ST6GALNAC5: variants seen among roughly 807,000 people sequenced by gnomAD.
The protein encoded by ST6GALNAC5 is ST6 N-acetylgalactosaminide alpha-2,6-sialyltransferase 5.
In ST6GALNAC5, 27 loss-of-function variants were observed where a neutral mutation model predicts 33.6. The observed-to-expected ratio is 0.80, with a 90% confidence interval of 0.59 to 1.11. The LOEUF (loss-of-function observed/expected upper bound fraction) is 1.11. Among genes scored for constraint, ST6GALNAC5 ranks in the 50% least tolerant of loss-of-function variants. ST6GALNAC5 has a pLI of 0.00. For synonymous variants in ST6GALNAC5, 194 were observed against 171.2 expected (o/e 1.13, Z -1.04); for missense variants, 428 against 454.0 (o/e 0.94, Z 0.52).
At position 77,066,089 on chromosome 1, in the gene ST6GALNAC5, T is replaced by C. The variant is rs774933655; in HGVS notation, c.*2883T>C. Among the ~76,000 whole-genome samples, 20 of 152,212 alleles carry C rather than the reference T, an allele frequency of 1.3e-4. No individual in the cohort carries two copies. The highest frequency in any genetic ancestry group is 2.6e-4 in the Non-Finnish European group (18 of 68,034). On this transcript the variant is annotated 3_prime_UTR_variant, in exon 5 of 5. Transcript: ENST00000477717. ...AACATTAGGAGGTAAATATTCAGCA[T>C]GCTGCATGGAGACTTAGCTGTGTGA...
chr1:76,968,873 A>C (rs971971757), intron 2 of ST6GALNAC5, among the ~76,000 whole-genome samples: 6 of 152,200 alleles, frequency 3.9e-5, no homozygotes, highest in Non-Finnish European at 1.5e-5. Flanking sequence ...TTCTGGGTTG[A>C]AAATTCTTTT....
At chr1:76,971,108 C>G (rs1648738967) in intron 2 of ST6GALNAC5, among the ~76,000 whole-genome samples, 1 of 152,080 alleles carries the variant, frequency 6.6e-6, no homozygotes, top group Non-Finnish European at 1.5e-5. Flanking sequence ...TAGGGATGAG[C>G]TTTATTGAAA....
At chr1:77,017,149 G>C (rs116097358) in intron 2 of ST6GALNAC5, among the ~76,000 whole-genome samples, 74 of 93,954 alleles carry the variant, frequency 7.9e-4, no homozygotes, top group African/African-American at 3.3e-3. Flanking sequence ...TCAGGAAAAG[G>C]CAAAAAAAAA....
rs1275092816 is a variant in ST6GALNAC5 at position 76,900,188 on chromosome 1, C to T, written c.261+31446C>T. 2.0e-5 allele frequency among the ~76,000 whole-genome samples: 3 copies of T among 151,990 alleles called. No individual in the cohort carries two copies. The East Asian group carries it at 5.8e-4, about 29-fold the overall frequency. On this transcript the variant is annotated intron_variant, in intron 2 of 4. Transcript: ENST00000477717. ...TGGGCAGAGTGGAGGTCACAAGGTGCTCAGTAGGGGAGATTTTGAGCCAGG... is the reference window on the plus strand; with the variant it reads ...TGGGCAGAGTGGAGGTCACAAGGTGTTCAGTAGGGGAGATTTTGAGCCAGG...
chr1:76,916,558 G>C (rs1646977109), intron 2 of ST6GALNAC5, among the ~76,000 whole-genome samples: 1 of 152,028 alleles, frequency 6.6e-6, no homozygotes, highest in Non-Finnish European at 1.5e-5. Context: ...GTTTCCAGTA[G>C]AAAACTAATG....
chr1:76,918,094 T>G (rs887561933), intron 2 of ST6GALNAC5, among the ~76,000 whole-genome samples: 4 of 152,130 alleles, frequency 2.6e-5, no homozygotes, highest in African/African-American at 9.7e-5. Context: ...ACTGTCCCAC[T>G]AGGTAACATA....
chr1:77,006,072 G>A (rs1033183978), intron 2 of ST6GALNAC5, among the ~76,000 whole-genome samples: 4 of 152,134 alleles, frequency 2.6e-5, no homozygotes, highest in Non-Finnish European at 5.9e-5. Flanking sequence ...GAAGTGAATT[G>A]CTGGATGATA....
intron 2 of ST6GALNAC5, among the ~76,000 whole-genome samples, chr1:76,901,804 T>C (rs1646819728): frequency 1.3e-5 from 2 of 152,222 alleles, no homozygotes; most frequent in Admixed American, 1.3e-4. Context: ...TTTCACTTTA[T>C]TTTATAGTTG....
At chr1:76,897,721 AT>A (rs1268832244) in intron 2 of ST6GALNAC5, among the ~76,000 whole-genome samples, 1 of 152,194 alleles carries the variant, frequency 6.6e-6, no homozygotes, top group Non-Finnish European at 1.5e-5. Context: ...GAAGCAGATA[AT>A]TTAGTTAAAG....
chr1:76,941,301 A>C (rs1366122511), intron 2 of ST6GALNAC5, among the ~76,000 whole-genome samples: 1 of 152,084 alleles, frequency 6.6e-6, no homozygotes, highest in Non-Finnish European at 1.5e-5. Flanking sequence ...TCCAAAATGG[A>C]CCTGGATTTA....
chr1:76,947,967 G>A (rs1647589475), intron 2 of ST6GALNAC5, among the ~76,000 whole-genome samples: 1 of 152,064 alleles, frequency 6.6e-6, no homozygotes, highest in South Asian at 2.1e-4. Context: ...TCAGATGAGA[G>A]GAGCTTAATA....
chr1:76,889,858 A>C (rs1462195713), intron 2 of ST6GALNAC5, among the ~76,000 whole-genome samples: 1 of 152,024 alleles, frequency 6.6e-6, no homozygotes, highest in Admixed American at 6.6e-5. Flanking sequence ...TTTTCTAATC[A>C]TCCTGGTCTT....
chr1:76,889,614 A>G lies in ST6GALNAC5; in HGVS notation c.261+20872A>G, dbSNP rs182665248. Among the ~76,000 whole-genome samples the G allele has an allele frequency of 3.4e-4, 52 of 152,120 alleles. 1 individual carries two copies. The East Asian group carries it at 7.9e-3, about 23-fold the overall frequency. ...TCAGGCAAATGTCATTACTTTTTAGATATTCTAAACTGTTGTTTCTTTAAG... is the reference window on the plus strand; with the variant it reads ...TCAGGCAAATGTCATTACTTTTTAGGTATTCTAAACTGTTGTTTCTTTAAG... On this transcript the variant is annotated intron_variant, in intron 2 of 4. Transcript: ENST00000477717.
chr1:77,056,746 C>T (rs1652413110), intron 4 of ST6GALNAC5, among the ~76,000 whole-genome samples: 4 of 152,074 alleles, frequency 2.6e-5, no homozygotes, highest in Admixed American at 2.6e-4. Context: ...TGTGTTTCTC[C>T]CAGGGTGAGG....
intron 2 of ST6GALNAC5, among the ~76,000 whole-genome samples, chr1:76,910,105 A>G (rs1055337878): frequency 2.0e-5 from 3 of 151,984 alleles, no homozygotes; most frequent in African/African-American, 7.2e-5. Context: ...ACATGTTTCA[A>G]TTTGCTGAGA....
At chr1:76,986,833 TA>T (rs202019837) in intron 2 of ST6GALNAC5, among the ~76,000 whole-genome samples, 3,880 of 152,086 alleles carry the variant, frequency 0.026, 171 homozygotes, top group African/African-American at 0.089. Flanking sequence ...TCTGCAGCCA[TA>T]AAAAAATAAA....
chr1:76,973,097 G>C lies in ST6GALNAC5; in HGVS notation c.262-71107G>C, dbSNP rs577745954. ...TGTATTTGAATTTTTTGATGGGTAG[G>C]GTTTTTCTGCTTTGTGTTATTTGCT... On this transcript the variant is annotated intron_variant, in intron 2 of 4. Coordinates refer to ENST00000477717, the MANE Select transcript of ST6GALNAC5 (RefSeq NM_030965.3). Among the ~76,000 whole-genome samples the C allele has an allele frequency of 3.3e-5, 5 of 151,848 alleles. No homozygotes were observed. The East Asian group carries it at 9.7e-4, about 29-fold the overall frequency.
chr1:76,978,576 TC>T (rs1292392402), intron 2 of ST6GALNAC5, among the ~76,000 whole-genome samples: 1 of 152,174 alleles, frequency 6.6e-6, no homozygotes, highest in Non-Finnish European at 1.5e-5. Context: ...AAATTCAACG[TC>T]CTTTAACGAC....
At chr1:76,974,170 T>C (rs1419031071) in intron 2 of ST6GALNAC5, among the ~76,000 whole-genome samples, 4 of 151,816 alleles carry the variant, frequency 2.6e-5, no homozygotes, top group Non-Finnish European at 5.9e-5. Context: ...AAATGTAGTA[T>C]GTCTTTTCAT....
Sources: gnomAD v4.1 joint callset for allele counts (sites outside exome capture counted in the v4.1 genomes callset) on GRCh38, gnomAD v4.1.1 for gene constraint, MANE v1.5 for transcripts, NCBI Gene and HGNC (gene_info 2026-07-23, HGNC 2026-07-21) for gene names.